Variants in ABHD18 observed in about 807,000 individuals in gnomAD.
ABHD18 encodes cardiolipin-specific deacylase, mitochondrial.
In ABHD18, 55 loss-of-function variants were observed where a neutral mutation model predicts 65.9. That is an observed-to-expected ratio of 0.84 (90% CI 0.67 to 1.05). The LOEUF (loss-of-function observed/expected upper bound fraction) is 1.05, where lower values mean the gene tolerates loss of function less well. ABHD18 is among the 50% of genes least tolerant of loss of function. The probability of loss-of-function intolerance (pLI) is 0.00; values close to 1 mark genes in which losing one functional copy is unlikely to be tolerated. For missense variants in ABHD18, 533 were observed against 558.5 expected, an observed-to-expected ratio of 0.95 and a Z score of 0.46; for synonymous variants, 181 against 180.2, an observed-to-expected ratio of 1.00 and a Z score of -0.04.
At chr4:127,973,203 G>A (rs1343302010) in intron 1 of ABHD18, among the ~76,000 whole-genome samples, 1 of 152,016 alleles carries the variant, frequency 6.6e-6, no homozygotes, top group Non-Finnish European at 1.5e-5. Context: ...TTTCATAGAG[G>A]CAGAGTTTCC....
At chr4:128,035,474 G>A (rs1758785116) in intron 12 of ABHD18, among the ~76,000 whole-genome samples, 1 of 152,108 alleles carries the variant, frequency 6.6e-6, no homozygotes, top group Non-Finnish European at 1.5e-5. Context: ...TTGGGAGGCT[G>A]AGGCATGAGA....
intron 6 of ABHD18, 100 bp downstream of exon 6, chr4:128,009,291 T>A: frequency 3.0e-6 from 2 of 663,222 alleles, no homozygotes; most frequent in Non-Finnish European, 4.5e-6. Flanking sequence ...CTAAACCAGT[T>A]AAATTTAGTC....
intron 4 of ABHD18, among the ~76,000 whole-genome samples, chr4:128,004,503 G>T (rs929760429): frequency 6.6e-6 from 1 of 151,984 alleles, no homozygotes; most frequent in African/African-American, 2.4e-5. Flanking sequence ...CTCTGCTGCA[G>T]CCATCTCCTA....
chr4:127,978,582 G>T (rs1748411496), intron 1 of ABHD18, among the ~76,000 whole-genome samples: 1 of 152,120 alleles, frequency 6.6e-6, no homozygotes, highest in Non-Finnish European at 1.5e-5. Flanking sequence ...ACTAGGTGTA[G>T]CATTTAAATT....
chr4:127,995,006 A>C (rs1751510380), intron 4 of ABHD18, among the ~76,000 whole-genome samples: 1 of 152,048 alleles, frequency 6.6e-6, no homozygotes, highest in Admixed American at 6.6e-5. Flanking sequence ...CAGCCTCCCT[A>C]GTAGCTGGGA....
chr4:127,981,879 T>C (rs1749120875), intron 1 of ABHD18, among the ~76,000 whole-genome samples: 1 of 152,186 alleles, frequency 6.6e-6, no homozygotes, highest in Non-Finnish European at 1.5e-5. Context: ...GTCTGACAAG[T>C]ACATTAGCTA....
intron 11 of ABHD18, among the ~76,000 whole-genome samples, chr4:128,029,677 T>C (rs1248798714): frequency 1.3e-5 from 2 of 151,862 alleles, no homozygotes; most frequent in South Asian, 4.2e-4. Context: ...TATAAAAAAT[T>C]AGTTGGGCGT....
Position 128,035,831 on chromosome 4 carries a change from A to C in ABHD18, c.*18A>C. 6.7e-7 allele frequency: 1 copy of C among 1,500,922 alleles called. No homozygotes were observed. 93.0% of individuals were successfully genotyped at this position (1,500,922 alleles called of 1,614,324 possible). A position where few individuals can be genotyped will look rare whatever the true frequency, so the allele number is the denominator to read the frequency against. The stretch of plus-strand genomic sequence containing the variant: ...CTAACTAGTTGGATTATTATATGTA[A>C]CCAGTGTGGCCATGATGTTTCTTAC... On this transcript the variant is annotated 3_prime_UTR_variant, in exon 13 of 13. Coordinates refer to ENST00000645843, the MANE Select transcript of ABHD18 (RefSeq NM_001358451.3).
At chr4:128,021,713 G>C (rs1553966717) in intron 10 of ABHD18, among the ~76,000 whole-genome samples, 2 of 152,078 alleles carry the variant, frequency 1.3e-5, no homozygotes, top group Non-Finnish European at 2.9e-5. Flanking sequence ...ATCATGCAAA[G>C]CAAATATGTG....
chr4:127,990,722 A>G (rs1337821243), intron 4 of ABHD18, among the ~76,000 whole-genome samples: 3 of 152,224 alleles, frequency 2.0e-5, no homozygotes, highest in Non-Finnish European at 2.9e-5. Context: ...CAGGATTGGT[A>G]TGTAATTAGC....
intron 12 of ABHD18, chr4:128,031,106 G>A (rs1758139887): frequency 1.0e-6 from 1 of 988,788 alleles, no homozygotes; most frequent in Non-Finnish European, 1.2e-6. Context: ...AATAAGAAGT[G>A]CTTTTAATGT....
intron 10 of ABHD18, 43 bp downstream of exon 10, chr4:128,021,281 T>C: frequency 8.8e-7 from 1 of 1,132,442 alleles, no homozygotes; most frequent in East Asian, 2.6e-5. Context: ...GTGGGGGGAG[T>C]TGATTGTATA....
intron 8 of ABHD18, 23 bp downstream of exon 8, chr4:128,017,524 A>T: frequency 6.4e-7 from 1 of 1,569,880 alleles, no homozygotes. Flanking sequence ...ATTTCTGCTT[A>T]CATTTAATTA....
At chr4:127,999,507 A>G (rs1179347643) in intron 4 of ABHD18, among the ~76,000 whole-genome samples, 1 of 152,202 alleles carries the variant, frequency 6.6e-6, no homozygotes, top group African/African-American at 2.4e-5. Context: ...AATGAGTGCA[A>G]ATAATACAGA....
rs548104059 is a variant in ABHD18 at position 128,035,189 on chromosome 4, A to G, written c.1344-573A>G. The stretch of plus-strand genomic sequence containing the variant: ...AATTTATTTTATACACATTACACAC[A>G]TGTGCCTCTGTGTGCGTGCGTGTAT... On this transcript the variant is annotated intron_variant, in intron 12 of 12. Coordinates refer to ENST00000645843, the MANE Select transcript of ABHD18 (RefSeq NM_001358451.3). Among the ~76,000 whole-genome samples, 109 of 152,300 alleles carry G rather than the reference A, an allele frequency of 7.2e-4. 1 individual carries two copies. The Middle Eastern group carries it at 0.01, about 14-fold the overall frequency.
intron 1 of ABHD18, among the ~76,000 whole-genome samples, chr4:127,979,108 C>T (rs1176584652): frequency 6.6e-6 from 1 of 152,086 alleles, no homozygotes; most frequent in African/African-American, 2.4e-5. Flanking sequence ...AAATATTTAT[C>T]ATCATAATAA....
In ABHD18 at chr4:128,028,544, C is replaced by A. The variant is rs530111747; in HGVS notation, c.871C>A (p.Leu291Ile). ...TAGCAGTGCAGACAAGCTAACTAAC[C>A]TTAATCTGGTTTCCAGAACTTTAAA... is the stretch of plus-strand genomic sequence containing the variant. Reference protein sequence around the residue: ...FTSSADKLTNLNLVSRTLNLD... With the variant: ...FTSSADKLTNINLVSRTLNLD... Residue 291 changes from leucine (L) to isoleucine (I), a missense_variant, in exon 11 of 13, where the codon CTT (leucine) becomes ATT (isoleucine). Leu to Ile is a conservative substitution (Grantham distance 5). Coordinates refer to ENST00000645843, the MANE Select transcript of ABHD18 (RefSeq NM_001358451.3). The A allele has an allele frequency of 1.2e-6, 2 of 1,610,796 alleles. No homozygotes were observed. Among genetic ancestry groups the A allele is most frequent in the East Asian group, 4.5e-5 (2 of 44,838 alleles).
chr4:127,999,226 G>C (rs1363194290), intron 4 of ABHD18, among the ~76,000 whole-genome samples: 3 of 152,120 alleles, frequency 2.0e-5, no homozygotes, highest in Non-Finnish European at 4.4e-5. Flanking sequence ...GGAGGTTGCA[G>C]TGAGCAGAGA....
chr4:128,034,953 G>A (rs1474715332), intron 12 of ABHD18, among the ~76,000 whole-genome samples: 1 of 152,056 alleles, frequency 6.6e-6, no homozygotes, highest in East Asian at 1.9e-4. Flanking sequence ...CGCCCGGCCT[G>A]TCTATTCCTT....
Sources: allele counts gnomAD v4.1 joint callset (sites outside exome capture counted in the v4.1 genomes callset), GRCh38; gene constraint gnomAD v4.1.1; transcripts MANE v1.5; gene names NCBI Gene and HGNC (gene_info 2026-07-23, HGNC 2026-07-21).